Variants in SBF1 observed in about 807,000 individuals in gnomAD.
The protein encoded by SBF1 is SET binding factor 1.
In SBF1, 65 loss-of-function variants were observed where a neutral mutation model predicts 215.8. The observed-to-expected ratio is 0.30, with a 90% CI of 0.25 to 0.37. The LOEUF is 0.37. Among genes scored for constraint, SBF1 ranks in the 10% least tolerant of loss-of-function variants. The pLI is 1.00. For synonymous variants in SBF1, 1,410 were observed against 1,122.8 expected (o/e 1.26, Z -5.11); for missense variants, 2,634 against 2,667.8 (o/e 0.99, Z 0.28).
chr22:50,461,827 C>T lies in SBF1; in HGVS notation c.2612G>A (p.Arg871Gln), dbSNP rs760922524. The T allele has an allele frequency of 6.2e-6, 10 of 1,613,612 alleles. No individual in the cohort carries two copies. The East Asian group carries it at 8.9e-5, about 14-fold the overall frequency. Residue 871 changes from arginine (R) to glutamine (Q), a missense_variant, in exon 21 of 41, where the codon CGG (arginine) becomes CAG (glutamine). Physicochemically the swap from Arg to Gln is conservative, Grantham distance 43. Transcript: ENST00000380817. ...GATGGGCGGCAGCCTCCGGCTCTCC[C>T]GCTGCACGGCCTCCAGGGTCTCGAT... is the stretch of plus-strand genomic sequence containing the variant. ...MHIETLEAVQ[R>Q]ESRRLPPIQK...
intron 38 of SBF1, 118 bp from the exon 39 acceptor site, chr22:50,447,727 C>T (rs1357621774): frequency 2.8e-6 from 2 of 725,638 alleles, no homozygotes; most frequent in Admixed American, 2.3e-5. Flanking sequence ...GCACCCTGTC[C>T]CCAGAACTGA....
chr22:50,461,327 G>A (rs1603432707), intron 22 of SBF1, 41 bp from the exon 23 acceptor site: 5 of 41,006 alleles, frequency 1.2e-4, no homozygotes, highest in Non-Finnish European at 1.7e-4. Context: ...AGGAAGGTAA[G>A]GGGGGGGGGG....
rs780718954 is a variant in SBF1 at position 50,465,335 on chromosome 22, G to A, written c.1090-7C>T. ...CCGCGCGCAGCTCCTTGTCCTGGGAGAAGAGCTGAGTGCAGGTGAGAGCCA... is the reference window on the plus strand; with the variant it reads ...CCGCGCGCAGCTCCTTGTCCTGGGAAAAGAGCTGAGTGCAGGTGAGAGCCA... On this transcript the variant is annotated splice_polypyrimidine_tract_variant and splice_region_variant and intron_variant, in intron 10 of 40. Coordinates refer to ENST00000380817, the MANE Select transcript of SBF1 (RefSeq NM_002972.4). 6 of 1,571,454 alleles carry A rather than the reference G, an allele frequency of 3.8e-6. No individual in the cohort carries two copies. In the South Asian group the frequency reaches 5.8e-5, roughly 15 times the overall value.
At position 50,460,007 on chromosome 22, in the gene SBF1, T is replaced by C; in HGVS notation, c.3436A>G (p.Lys1146Glu). 6.2e-7 allele frequency: 1 copy of C among 1,613,954 alleles called. No homozygotes were observed. Among genetic ancestry groups the C allele is most frequent in the Non-Finnish European group, 8.5e-7 (1 of 1,179,966 alleles). Reference protein sequence around the residue: ...GTLSSSLSRAKSEPFRISPVN... With the variant: ...GTLSSSLSRAESEPFRISPVN... ...GGAGAAATGCGGAAGGGCTCAGACTTGGCCCGGCTCAGGCTGCTGCTCAGG... is the reference window on the plus strand; with the variant it reads ...GGAGAAATGCGGAAGGGCTCAGACTCGGCCCGGCTCAGGCTGCTGCTCAGG... The change falls in exon 26 of 41, where the codon AAG becomes GAG. Residue 1146 changes from lysine (K) to glutamate (E), a missense_variant. Transcript: ENST00000380817.
chr22:50,460,857 G>C, intron 23 of SBF1, 145 bp from the exon 24 acceptor site: 1 of 967,114 alleles, frequency 1.0e-6, no homozygotes, highest in Non-Finnish European at 1.5e-6. Context: ...TGTGTCACAC[G>C]AAGGCAAGCG....
rs923126868 is a variant in SBF1, at chr22:50,448,555, C to A, written c.5139G>T (p.Arg1713=). Residue 1713 remains arginine (R), a synonymous_variant, in exon 37 of 41, where the codon CGG becomes CGT. Transcript: ENST00000380817. ...RVKAAQRLEG[R]PDGRGTPSSL... ...GGCCCTCACTCACACGGCCGTCTGG[C>A]CGGCCCTCGAGGCGCTGTGCAGCCT... 1 of 1,612,008 alleles carries A rather than the reference C, an allele frequency of 6.2e-7. No individual in the cohort carries two copies. Among genetic ancestry groups the A allele is most frequent in the African/African-American group, 1.3e-5 (1 of 75,070 alleles).
At chr22:50,460,194 C>T (rs1033706562) in intron 25 of SBF1, 35 bp from the exon 26 acceptor site, 77 of 1,605,802 alleles carry the variant, frequency 4.8e-5, no homozygotes, top group Non-Finnish European at 6.2e-5. Context: ...CATCACGGGG[C>T]CACTCCGCCT....
In SBF1 at chr22:50,461,702, G is replaced by A. The variant is rs1209321316; in HGVS notation, c.2660C>T (p.Pro887Leu). 1.6e-5 allele frequency: 25 copies of A among 1,609,470 alleles called. No individual in the cohort carries two copies. The highest frequency in any genetic ancestry group is 1.7e-5 in the Non-Finnish European group (20 of 1,178,892). ...ACACTCCTCACCCGGCAGCAGGCGC[G>A]GCCGCAGCAGCTTGGGCTGCTCGAA... The part of the protein sequence containing the change: ...PPIQKPKLLR[P>L]RLLPGEECVL... Residue 887 changes from proline to leucine, a missense_variant, in exon 22 of 41, where the codon CCG becomes CTG. Pro to Leu is a moderately conservative substitution (Grantham distance 98). Coordinates refer to ENST00000380817, the MANE Select transcript of SBF1 (RefSeq NM_002972.4).
chr22:50,454,005 C>G (rs947655171), intron 36 of SBF1, among the ~76,000 whole-genome samples: 1 of 152,136 alleles, frequency 6.6e-6, no homozygotes. Context: ...TCCTTTCTCC[C>G]TCCCAGGCAT....
chr22:50,470,425 C>T (rs2067955421), intron 1 of SBF1, among the ~76,000 whole-genome samples: 2 of 152,138 alleles, frequency 1.3e-5, no homozygotes, highest in Non-Finnish European at 2.9e-5. Flanking sequence ...GCCTTAAGTC[C>T]TCTGCAGGGC....
In SBF1 at chr22:50,453,773, C is replaced by T. The variant is rs139123719; in HGVS notation, c.5043+739G>A. Among the ~76,000 whole-genome samples, 1,056 of 151,942 alleles carry T rather than the reference C, an allele frequency of 7.0e-3. 11 individuals carry two copies. Among genetic ancestry groups the T allele is most frequent in the African/African-American group, 0.024 (1,002 of 41,446 alleles). On this transcript the variant is annotated intron_variant, in intron 36 of 40. Coordinates refer to ENST00000380817, the MANE Select transcript of SBF1 (RefSeq NM_002972.4). ...CTACACTCCAGCCTGGGCGACAGAG[C>T]GAGACTCCATCTCAAAATAAAAAAA...
At chr22:50,470,979 G>A (rs1028468704) in intron 1 of SBF1, among the ~76,000 whole-genome samples, 2 of 152,164 alleles carry the variant, frequency 1.3e-5, no homozygotes, top group African/African-American at 2.4e-5. Flanking sequence ...AGGGGGATGT[G>A]GGGGGTTTTG....
intron 31 of SBF1, 28 bp downstream of exon 31, chr22:50,456,188 G>A (rs767034424): frequency 7.0e-5 from 113 of 1,606,256 alleles, no homozygotes; most frequent in Non-Finnish European, 7.6e-5. Flanking sequence ...GCACCAAGGC[G>A]GGCAGAGGGA....
At chr22:50,453,860 G>A (rs1287245573) in intron 36 of SBF1, among the ~76,000 whole-genome samples, 1 of 152,044 alleles carries the variant, frequency 6.6e-6, no homozygotes, top group African/African-American at 2.4e-5. Context: ...TCCCCCCGTG[G>A]CCTAGGTCCA....
At chr22:50,448,076 T>C (rs941655924) in intron 38 of SBF1, among the ~76,000 whole-genome samples, 157 bp downstream of exon 38, 6 of 152,188 alleles carry the variant, frequency 3.9e-5, no homozygotes, top group Admixed American at 6.5e-5. Flanking sequence ...TGTGGTCAGC[T>C]GTGGTCACCA....
At chr22:50,469,970 A>T (rs991527832) in intron 1 of SBF1, among the ~76,000 whole-genome samples, 17 of 152,110 alleles carry the variant, frequency 1.1e-4, no homozygotes, top group African/African-American at 3.4e-4. Flanking sequence ...ATTCTGACTC[A>T]CAAAACCTCA....
Position 50,464,705 on chromosome 22 carries a change from C to A in SBF1, c.1465G>T (p.Val489Leu), listed in dbSNP as rs1482805906. The A allele has an allele frequency of 3.1e-6, 5 of 1,607,186 alleles. No individual in the cohort carries two copies. Among genetic ancestry groups the A allele is most frequent in the African/African-American group, 1.3e-5 (1 of 74,932 alleles). ...NPYPAVAMHK[V>L]QRPGESSHLR... is the part of the protein sequence containing the mutation. The stretch of plus-strand genomic sequence containing the variant: ...TGGCTGCTCTCACCGGGCCTCTGTA[C>A]CTTGTGCATCGCCACGGCTGGGTAC... Residue 489 changes from valine (V) to leucine (L), a missense_variant, in exon 14 of 41, where the codon GTA (valine) becomes TTA (leucine). Transcript: ENST00000380817.
Position 50,461,736 on chromosome 22 carries a change from CAGG to C in SBF1, c.2644-21_2644-19del. On this transcript the variant is annotated intron_variant, in intron 21 of 40. Coordinates refer to ENST00000380817, the MANE Select transcript of SBF1 (RefSeq NM_002972.4). ...AGCTTGGGCTGCTCGAAAACAAGAGCAGGAGCTCAGGATGCAGCCCGGGCCTTG... is the reference window on the plus strand; with the variant it reads ...AGCTTGGGCTGCTCGAAAACAAGAGCAGCTCAGGATGCAGCCCGGGCCTTG... 3 of 1,609,544 alleles carry C rather than the reference CAGG, an allele frequency of 1.9e-6. No individual in the cohort carries two copies. The highest frequency in any genetic ancestry group is 1.7e-6 in the Non-Finnish European group (2 of 1,177,956).
chr22:50,464,954 C>G, intron 12 of SBF1, 37 bp from the exon 13 acceptor site: 1 of 1,613,792 alleles, frequency 6.2e-7, no homozygotes, highest in Non-Finnish European at 8.5e-7. Flanking sequence ...AAGCCATGGT[C>G]AGGCGGAGCC....
Sources: gnomAD v4.1 joint callset for allele counts (sites outside exome capture counted in the v4.1 genomes callset) on GRCh38, gnomAD v4.1.1 for gene constraint, MANE v1.5 for transcripts, NCBI Gene and HGNC (gene_info 2026-07-23, HGNC 2026-07-21) for gene names.